PAX2: variants seen among roughly 807,000 people sequenced by gnomAD.
PAX2 encodes the protein paired box protein Pax-2.
A neutral mutation model predicts 41.7 loss-of-function variants in PAX2; 9 were observed. That is an observed-to-expected ratio of 0.22 (90% confidence interval 0.13 to 0.38). The LOEUF is 0.38. PAX2 is among the 10% of genes least tolerant of loss of function. The pLI, the probability that PAX2 is intolerant of heterozygous loss-of-function variation, is 1.00. For synonymous variants in PAX2, 221 were observed against 212.7 expected (o/e 1.04, Z -0.34); for missense variants, 418 against 531.6 (o/e 0.79, Z 2.10).
At position 100,827,401 on chromosome 10, in the gene PAX2, GC is replaced by G. The variant is rs879221264; in HGVS notation, c.1109-141del. On this transcript the variant is annotated intron_variant, in intron 9 of 9. Coordinates refer to ENST00000355243, the MANE Select transcript of PAX2 (RefSeq NM_000278.5). This position sits in a 1 kb window ranked among gnomAD's most constrained non-coding sequence, Gnocchi z 8.5. Reference sequence around the variant, plus strand: ...ACGCAACTATTCTCCGGGGCAACTGGCTCCACTGCCCAGCCAAGGTCTCCCA... The same window carrying G: ...ACGCAACTATTCTCCGGGGCAACTGGTCCACTGCCCAGCCAAGGTCTCCCA... 35 of 834,256 alleles carry G rather than the reference GC, an allele frequency of 4.2e-5. 1 individual carries two copies. The South Asian group carries it at 4.6e-4, about 11-fold the overall frequency. The allele number at this position is 834,256 out of a possible 1,614,324, so 51.7% of individuals were successfully genotyped here.
At chr10:100,778,503 C>T (rs1846482202) in intron 3 of PAX2, among the ~76,000 whole-genome samples, 1 of 152,152 alleles carries the variant, frequency 6.6e-6, no homozygotes, top group African/African-American at 2.4e-5. Flanking sequence ...CTGACTTGCT[C>T]ATGGCTTGTG....
At chr10:100,770,984 G>T (rs1331771151) in intron 3 of PAX2, among the ~76,000 whole-genome samples, 2 of 152,118 alleles carry the variant, frequency 1.3e-5, no homozygotes, top group East Asian at 1.9e-4. Context: ...TCACCTCCTG[G>T]CTTAAGCTAG....
Position 100,750,239 on chromosome 10 carries a change from G to C in PAX2, c.212+325G>C, listed in dbSNP as rs933122610. Among the ~76,000 whole-genome samples the C allele has an allele frequency of 6.6e-5, 10 of 151,890 alleles. No homozygotes were observed. Among genetic ancestry groups the C allele is most frequent in the African/African-American group, 1.7e-4 (7 of 41,254 alleles). ...CGGGGTGGGAGACATTAGAGGAATG[G>C]GGGGGGAGTGAAAATGGGTCCCCGA... On this transcript the variant is annotated intron_variant, in intron 2 of 9. Coordinates refer to ENST00000355243, the MANE Select transcript of PAX2 (RefSeq NM_000278.5). The surrounding 1 kb of genome is among the most constrained non-coding windows in gnomAD (Gnocchi z 4.1).
chr10:100,735,822 C>T (rs1844764843), intron 1 of PAX2: 1 of 865,730 alleles, frequency 1.2e-6, no homozygotes, highest in Non-Finnish European at 1.4e-6. Context: ...CTCCTCTCCT[C>T]TTTCATCCCT....
At chr10:100,778,751 G>A (rs967328337) in intron 3 of PAX2, among the ~76,000 whole-genome samples, 5 of 152,164 alleles carry the variant, frequency 3.3e-5, no homozygotes, top group Non-Finnish European at 7.3e-5. Context: ...TGTACAGGGA[G>A]GGCACCAGAC....
At chr10:100,762,143 C>A (rs1174154961) in intron 3 of PAX2, among the ~76,000 whole-genome samples, 1 of 151,772 alleles carries the variant, frequency 6.6e-6, no homozygotes, top group Non-Finnish European at 1.5e-5. Flanking sequence ...GCAGGAGGAT[C>A]ACTTGAGACC....
At chr10:100,743,759 G>A (rs1370206072), upstream of PAX2, among the ~76,000 whole-genome samples, 2 of 152,218 alleles carry the variant, frequency 1.3e-5, no homozygotes, top group African/African-American at 4.8e-5. Context: ...AAGCAAACCC[G>A]GGAGCGCCAT....
At chr10:100,762,074 C>G (rs1466371475) in intron 3 of PAX2, among the ~76,000 whole-genome samples, 1 of 152,068 alleles carries the variant, frequency 6.6e-6, no homozygotes, top group Admixed American at 6.6e-5. Flanking sequence ...GAGGAAGCAG[C>G]CCTGCCAGGC....
chr10:100,781,712 CT>C (rs937520951), intron 5 of PAX2, among the ~76,000 whole-genome samples: 3 of 152,232 alleles, frequency 2.0e-5, no homozygotes, highest in Non-Finnish European at 4.4e-5. Flanking sequence ...AAAGGCCAAC[CT>C]ACCTTGTCCT....
At chr10:100,764,707 A>T (rs1188814051) in intron 3 of PAX2, among the ~76,000 whole-genome samples, 1 of 151,888 alleles carries the variant, frequency 6.6e-6, no homozygotes, top group African/African-American at 2.4e-5. Context: ...TGTACTTTGT[A>T]TAACTGCACA....
chr10:100,809,345 A>G, intron 7 of PAX2, 109 bp downstream of exon 7: 1 of 1,110,044 alleles, frequency 9.0e-7, no homozygotes. Context: ...TGATATTTAC[A>G]GAGAGAACGA....
chr10:100,743,329 C>G (rs1187999678), upstream of PAX2, among the ~76,000 whole-genome samples: 2 of 152,194 alleles, frequency 1.3e-5, no homozygotes, highest in Non-Finnish European at 2.9e-5. Context: ...TCTCGCCCAA[C>G]ATGTGAAAAT....
At position 100,827,482 on chromosome 10, in the gene PAX2, CT is replaced by C. The variant is rs1564748056; in HGVS notation, c.1109-55del. The C allele has an allele frequency of 1.9e-6, 3 of 1,549,088 alleles. No individual in the cohort carries two copies. The highest frequency in any genetic ancestry group is 2.7e-6 in the Non-Finnish European group (3 of 1,121,054). On this transcript the variant is annotated intron_variant, in intron 9 of 9. Coordinates refer to ENST00000355243, the MANE Select transcript of PAX2 (RefSeq NM_000278.5). This position sits in a 1 kb window ranked among gnomAD's most constrained non-coding sequence, Gnocchi z 8.5. ...GAGGTCTTTTCTGTGCTTTTCTTTCCTTTTTTGTTCTCCTGTTTGTCCTCTC... is the reference window on the plus strand; with the variant it reads ...GAGGTCTTTTCTGTGCTTTTCTTTCCTTTTTGTTCTCCTGTTTGTCCTCTC...
chr10:100,797,813 C>A (rs1847391383), intron 5 of PAX2, among the ~76,000 whole-genome samples: 1 of 152,184 alleles, frequency 6.6e-6, no homozygotes, highest in Non-Finnish European at 1.5e-5. Context: ...AGCAACAAAA[C>A]TAGGATTTCA....
chr10:100,736,286 G>C (rs1844774944), intron 1 of PAX2, among the ~76,000 whole-genome samples: 1 of 152,196 alleles, frequency 6.6e-6, no homozygotes, highest in Non-Finnish European at 1.5e-5. Context: ...GGCCCCAGGG[G>C]ACCCAGTGGG....
At position 100,806,463 on chromosome 10, in the gene PAX2, C is replaced by A. The variant is rs368871615; in HGVS notation, c.650C>A (p.Ser217Tyr). Residue 217 changes from serine to tyrosine, a missense_variant, in exon 6 of 10, where the codon TCC becomes TAC. Ser to Tyr is a moderately radical substitution (Grantham distance 144). This residue lies in a region of PAX2 where 310 missense variants were observed against 325.2 expected (regional missense o/e 0.95). Transcript: ENST00000355243. ...VSEGSVPNGD[S>Y]QSGVDSLRKH... Reference sequence around the variant, plus strand: ...GAGGGCTCAGTCCCCAATGGAGATTCCCAGAGTGGTGTGGACAGTTTGCGG... The same window carrying A: ...GAGGGCTCAGTCCCCAATGGAGATTACCAGAGTGGTGTGGACAGTTTGCGG... 9.9e-6 allele frequency: 16 copies of A among 1,614,214 alleles called. No individual in the cohort carries two copies. The highest frequency in any genetic ancestry group is 1.4e-5 in the Non-Finnish European group (16 of 1,180,034).
chr10:100,752,476 T>C (rs974871031), intron 3 of PAX2, among the ~76,000 whole-genome samples: 2 of 152,164 alleles, frequency 1.3e-5, no homozygotes, highest in African/African-American at 4.8e-5. Flanking sequence ...TTATGAGCCA[T>C]GTAGAGACTC....
Position 100,746,290 on chromosome 10 carries a change from C to T in PAX2, c.30C>T (p.Phe10=), listed in dbSNP as rs748264828. MDMHCKADP[F]SAMHPGHGGV... ...ATATGCACTGCAAAGCAGACCCCTT[C>T]TCCGCGATGCACCGTGAGTACCGGC... The change falls in exon 1 of 10, where the codon TTC becomes TTT. Residue 10 remains phenylalanine (F), a synonymous_variant. Coordinates refer to ENST00000355243, the MANE Select transcript of PAX2 (RefSeq NM_000278.5). The T allele has an allele frequency of 4.3e-6, 7 of 1,609,870 alleles. 1 individual carries two copies. In the South Asian group the frequency reaches 4.4e-5, roughly 10 times the overall value.
At chr10:100,746,363 G>A in intron 1 of PAX2, 60 bp downstream of exon 1, 1 of 1,196,832 alleles carries the variant, frequency 8.4e-7, no homozygotes. Flanking sequence ...ACCCTGTCCA[G>A]TCCCAGCGTG....
Sources: allele counts gnomAD v4.1 joint callset (sites outside exome capture counted in the v4.1 genomes callset), GRCh38; gene constraint gnomAD v4.1.1; regional missense constraint gnomAD v4.1.1; non-coding constraint Gnocchi (gnomAD v3.1); transcripts MANE v1.5; gene names NCBI Gene and HGNC (gene_info 2026-07-23, HGNC 2026-07-21).